ZNF607: variants seen among roughly 807,000 people sequenced by gnomAD.
The protein encoded by ZNF607 is zinc finger protein 607.
A neutral mutation model predicts 12.8 loss-of-function variants in ZNF607; 5 were observed. That is an observed-to-expected ratio of 0.39 (90% confidence interval 0.20 to 0.82). The LOEUF is 0.82. Among genes scored for constraint, ZNF607 ranks in the 40% least tolerant of loss-of-function variants. The probability of loss-of-function intolerance (pLI) is 0.39; values close to 1 mark genes in which losing one functional copy is unlikely to be tolerated. For synonymous variants in ZNF607, 287 were observed against 276.2 expected (o/e 1.04, Z -0.39); for missense variants, 851 against 859.2 (o/e 0.99, Z 0.12).
intron 4 of ZNF607, among the ~76,000 whole-genome samples, chr19:37,704,586 C>T (rs762806911): frequency 9.2e-5 from 14 of 152,012 alleles, no homozygotes; most frequent in Non-Finnish European, 1.8e-4. Flanking sequence ...AATGTATCAA[C>T]TTTTATGGAA....
In ZNF607 at chr19:37,698,697, TA is replaced by T; in HGVS notation, c.1433del (p.Val478AspfsTer47). On this transcript the variant is annotated frameshift_variant, in exon 5 of 5. Coordinates refer to ENST00000355202, the MANE Select transcript of ZNF607 (RefSeq NM_032689.5). LOFTEE classifies it low-confidence loss of function (END_TRUNC). ...TAAAACCCTTCCCACACTCTTGACA[TA>T]CATAGGGTTTCTCTCCTGTATGAAT... ...ERIHTGEKPYVCQECGKGFSY... is the reference protein window; with the variant it reads ...ERIHTGEKPYXCQECGKGFSY... 6.2e-7 allele frequency: 1 copy of T among 1,613,230 alleles called. No homozygotes were observed. Among genetic ancestry groups the T allele is most frequent in the East Asian group, 2.2e-5 (1 of 44,870 alleles).
chr19:37,717,615 G>A (rs1209275813), intron 1 of ZNF607, among the ~76,000 whole-genome samples: 1 of 141,836 alleles, frequency 7.1e-6, no homozygotes, highest in Non-Finnish European at 1.5e-5. Flanking sequence ...GACCCACATG[G>A]AGAAACCCCG....
At chr19:37,706,602 A>G (rs1304079043) in intron 4 of ZNF607, 1 of 152,116 alleles carries the variant, frequency 6.6e-6, no homozygotes, top group East Asian at 1.9e-4. Context: ...GAGGTAAGGT[A>G]TTTCAGAGGG....
At position 37,697,948 on chromosome 19, in the gene ZNF607, T is replaced by C. The variant is rs777261227; in HGVS notation, c.*92A>G. Reference sequence around the variant, plus strand: ...AAAACTGAACTGTATCTCAAAGCCATTCCACATTGTCTTCATTCAAATTGT... The same window carrying C: ...AAAACTGAACTGTATCTCAAAGCCACTCCACATTGTCTTCATTCAAATTGT... On this transcript the variant is annotated 3_prime_UTR_variant, in exon 5 of 5. Coordinates refer to ENST00000355202, the MANE Select transcript of ZNF607 (RefSeq NM_032689.5). The C allele has an allele frequency of 9.7e-5, 124 of 1,276,224 alleles. No individual in the cohort carries two copies. Among genetic ancestry groups the C allele is most frequent in the Non-Finnish European group, 1.2e-4 (115 of 931,554 alleles). The allele number at this position is 1,276,224 out of a possible 1,614,324, so 79.1% of individuals were successfully genotyped here. A position where few individuals can be genotyped will look rare whatever the true frequency, so the allele number is the denominator to read the frequency against.
intron 4 of ZNF607, among the ~76,000 whole-genome samples, chr19:37,706,188 T>C (rs919763699): frequency 2.8e-5 from 4 of 144,436 alleles, no homozygotes; most frequent in African/African-American, 1.0e-4. Context: ...AGCAAGACTC[T>C]ATCTCGAAAG....
chr19:37,718,855 G>A (rs2045199850), intron 1 of ZNF607, among the ~76,000 whole-genome samples: 1 of 152,072 alleles, frequency 6.6e-6, no homozygotes, highest in South Asian at 2.1e-4. Context: ...ATTCCCACTT[G>A]TTCATGCTGA....
intron 1 of ZNF607, among the ~76,000 whole-genome samples, chr19:37,712,494 G>C (rs2045141488): frequency 6.6e-6 from 1 of 152,106 alleles, no homozygotes; most frequent in African/African-American, 2.4e-5. Flanking sequence ...CTGGGTGACA[G>C]AGCAAGACTC....
rs2045205223 is a variant in ZNF607, at chr19:37,719,434, G to A, written c.-240C>T. 1.3e-5 allele frequency: 2 copies of A among 152,614 alleles called. No individual in the cohort carries two copies. Among genetic ancestry groups the A allele is most frequent in the African/African-American group, 4.8e-5 (2 of 41,452 alleles). The allele number at this position is 152,614 out of a possible 1,614,324, so 9.5% of individuals were successfully genotyped here. On this transcript the variant is annotated 5_prime_UTR_variant, in exon 1 of 5. Transcript: ENST00000355202. ...GGGAGACTCGCCCGGCCCGCCTGGGGGCCTCCGCGCTCTGAGCGCCTCCTG... is the reference window on the plus strand; with the variant it reads ...GGGAGACTCGCCCGGCCCGCCTGGGAGCCTCCGCGCTCTGAGCGCCTCCTG...
intron 1 of ZNF607, among the ~76,000 whole-genome samples, chr19:37,714,694 A>AAT (rs1183670048): frequency 6.6e-6 from 1 of 152,114 alleles, no homozygotes; most frequent in Non-Finnish European, 1.5e-5. Flanking sequence ...CTAACATATG[A>AAT]ATGCCTGTTT....
At position 37,699,765 on chromosome 19, in the gene ZNF607, G is replaced by C; in HGVS notation, c.366C>G (p.Ser122=). The C allele has an allele frequency of 6.2e-7, 1 of 1,614,020 alleles. No individual in the cohort carries two copies. The highest frequency in any genetic ancestry group is 8.5e-7 in the Non-Finnish European group (1 of 1,179,986). The change falls in exon 5 of 5, where the codon TCC becomes TCG. Residue 122 remains serine, a synonymous_variant. Transcript: ENST00000355202. ...KPYECKQCQK[S]FSHLTELMVH... is the part of the protein sequence containing the mutation. ...CCATGAGTTCTGTAAGATGACTAAA[G>C]GACTTCTGACATTGCTTACACTCAT...
chr19:37,713,578 T>C (rs1278036562), intron 1 of ZNF607, among the ~76,000 whole-genome samples: 3 of 151,950 alleles, frequency 2.0e-5, no homozygotes, highest in Non-Finnish European at 4.4e-5. Flanking sequence ...TAGCTGGGAT[T>C]ACAGGCACCT....
chr19:37,709,882 C>T, intron 2 of ZNF607, 60 bp from the exon 3 acceptor site: 1 of 1,582,578 alleles, frequency 6.3e-7, no homozygotes, highest in Non-Finnish European at 8.6e-7. Flanking sequence ...AGGGGCCGGG[C>T]ACTGTGGCTC....
chr19:37,707,758 C>G lies in ZNF607; in HGVS notation c.235+156G>C, dbSNP rs1181038829. Among the ~76,000 whole-genome samples the G allele has an allele frequency of 2.6e-5, 4 of 152,252 alleles. No individual in the cohort carries two copies. The East Asian group carries it at 7.7e-4, about 29-fold the overall frequency. On this transcript the variant is annotated intron_variant, in intron 4 of 4. Transcript: ENST00000355202. ...CTGGGCCTTCATTGGCTATTTCATG[C>G]TGAGATATCCATTTCTTCTCCACAT...
Position 37,711,660 on chromosome 19 carries a change from C to T in ZNF607, c.-42G>A. On this transcript the variant is annotated 5_prime_UTR_variant, in exon 2 of 5. Transcript: ENST00000355202. ...GAGTTGATCAGTCCTTGGCGTTTCTCTACCAGAAGAGCAAAGTCAAAAGAA... is the reference window on the plus strand; with the variant it reads ...GAGTTGATCAGTCCTTGGCGTTTCTTTACCAGAAGAGCAAAGTCAAAAGAA... 1.2e-6 allele frequency: 2 copies of T among 1,611,018 alleles called. No homozygotes were observed. The highest frequency in any genetic ancestry group is 1.7e-6 in the Non-Finnish European group (2 of 1,177,554).
In ZNF607 at chr19:37,696,654, C is replaced by CGGCA. The variant is rs1274737052; in HGVS notation, c.*1382_*1385dup. ...GCTGGAGGAGCACGGACTGCCCTGC[C>CGGCA]GGCAGGCAGGTGATGTTCCGAGAGC... On this transcript the variant is annotated 3_prime_UTR_variant, in exon 5 of 5. Coordinates refer to ENST00000355202, the MANE Select transcript of ZNF607 (RefSeq NM_032689.5). 15 of 666,386 alleles carry CGGCA rather than the reference C, an allele frequency of 2.3e-5. No homozygotes were observed. In the Admixed American group the frequency reaches 3.2e-4, roughly 14 times the overall value. The allele number at this position is 666,386 out of a possible 1,614,324, so 41.3% of individuals were successfully genotyped here. A position where few individuals can be genotyped will look rare whatever the true frequency, so the allele number is the denominator to read the frequency against.
chr19:37,717,806 C>CAAAAAAAAAAAAAAAAAAAAAAAAA (rs57152044), intron 1 of ZNF607, among the ~76,000 whole-genome samples: 1 of 67,096 alleles, frequency 1.5e-5, no homozygotes, highest in Non-Finnish European at 2.6e-5. Flanking sequence ...AACTCAGTCT[C>CAAAAAAAAAAAAAAAAAAAAAAAAA]AAAAAAAAAA....
chr19:37,711,711 T>C lies in ZNF607; in HGVS notation c.-74-19A>G, dbSNP rs982198784. 1 of 1,320,716 alleles carries C rather than the reference T, an allele frequency of 7.6e-7. No homozygotes were observed. Among genetic ancestry groups the C allele is most frequent in the Non-Finnish European group, 1.1e-6 (1 of 917,030 alleles). 81.8% of individuals were successfully genotyped at this position (1,320,716 alleles called of 1,614,324 possible). A position where few individuals can be genotyped will look rare whatever the true frequency, so the allele number is the denominator to read the frequency against. On this transcript the variant is annotated intron_variant, in intron 1 of 4. Coordinates refer to ENST00000355202, the MANE Select transcript of ZNF607 (RefSeq NM_032689.5). ...CCAAGACCTGAAAGAAGAGAAGACC[T>C]TGAGACCAGCTGTGCTTTAGTGGTC...
rs2044975710 is a variant in ZNF607 at position 37,696,559 on chromosome 19, T to C, written c.*1481A>G. ...TCTGGGGTGAGGGCGAAAGGTGGTG[T>C]TACGAATCATCGGGGCTGTGGCCCA... is the stretch of plus-strand genomic sequence containing the variant. On this transcript the variant is annotated 3_prime_UTR_variant, in exon 5 of 5. Coordinates refer to ENST00000355202, the MANE Select transcript of ZNF607 (RefSeq NM_032689.5). 1 of 493,324 alleles carries C rather than the reference T, an allele frequency of 2.0e-6. No homozygotes were observed. The highest frequency in any genetic ancestry group is 3.7e-6 in the Non-Finnish European group (1 of 271,276). 30.6% of individuals were successfully genotyped at this position (493,324 alleles called of 1,614,324 possible).
chr19:37,696,757 G>C lies in ZNF607; in HGVS notation c.*1283C>G, dbSNP rs2044978481. ...CTGGCCGTCCCCTGCAGTGGCCAGT[G>C]AGTTGGCGATCAGCTCAGCTGCCTT... On this transcript the variant is annotated 3_prime_UTR_variant, in exon 5 of 5. Transcript: ENST00000355202. 1 of 1,298,974 alleles carries C rather than the reference G, an allele frequency of 7.7e-7. No homozygotes were observed. 80.5% of individuals were successfully genotyped at this position (1,298,974 alleles called of 1,614,324 possible).
Sources: allele counts gnomAD v4.1 joint callset (sites outside exome capture counted in the v4.1 genomes callset), GRCh38; gene constraint gnomAD v4.1.1; transcripts MANE v1.5; gene names NCBI Gene and HGNC (gene_info 2026-07-23, HGNC 2026-07-21).